EIF2B2: variants seen among roughly 807,000 people sequenced by gnomAD.
EIF2B2 encodes the protein eukaryotic translation initiation factor 2B subunit beta.
A neutral mutation model predicts 34.7 loss-of-function variants in EIF2B2; 34 were observed. The ratio of observed to expected loss-of-function variants is 0.98; its 90% CI spans 0.75 to 1.31. EIF2B2 has a LOEUF of 1.31. Among genes scored for constraint, EIF2B2 ranks in the 50% most tolerant of loss-of-function variants. The pLI, the probability that EIF2B2 is intolerant of heterozygous loss-of-function variation, is 0.00. For synonymous variants in EIF2B2, 155 were observed against 171.6 expected (o/e 0.90, Z 0.76); for missense variants, 361 against 447.7 (o/e 0.81, Z 1.75).
rs770130444 is a variant in EIF2B2, at chr14:75,004,705, T to TAA, written c.434-32_434-31insAA. ...TATATATATATTTTTTTTTTTTTTT[T>TAA]TTTTTTTTTTTTTGCAAAACCGTTC... is the stretch of plus-strand genomic sequence containing the variant. On this transcript the variant is annotated intron_variant, in intron 3 of 7. Coordinates refer to ENST00000266126, the MANE Select transcript of EIF2B2 (RefSeq NM_014239.4). 3,294 of 478,554 alleles carry TAA rather than the reference T, an allele frequency of 6.9e-3. 258 individuals are homozygous for TAA. Among genetic ancestry groups the TAA allele is most frequent in the Non-Finnish European group, 7.1e-3 (2,633 of 368,580 alleles). The allele number at this position is 478,554 out of a possible 1,614,324, so 29.6% of individuals were successfully genotyped here.
Position 75,004,729 on chromosome 14 carries a change from T to C in EIF2B2, c.434-8T>C. On this transcript the variant is annotated splice_polypyrimidine_tract_variant and splice_region_variant and intron_variant, in intron 3 of 7. Transcript: ENST00000266126. ...TTTTTTTTTTTTTTTGCAAAACCGT[T>C]CTTACAGAAGGGACAATGGAGAACA... The C allele has an allele frequency of 1.0e-6, 1 of 998,474 alleles. No individual in the cohort carries two copies. Among genetic ancestry groups the C allele is most frequent in the Non-Finnish European group, 1.4e-6 (1 of 727,072 alleles). 61.9% of individuals were successfully genotyped at this position (998,474 alleles called of 1,614,324 possible).
In EIF2B2 at chr14:75,010,501, G is replaced by C. The variant is rs1889690392; in HGVS notation, c.*1313G>C. ...CAGTGTCTGGATTGAAGGCATTTGG[G>C]CTGGTTCACTGCATTTAATGTGAAT... On this transcript the variant is annotated 3_prime_UTR_variant, in exon 8 of 8. Transcript: ENST00000266126. 6.6e-6 allele frequency: 1 copy of C among 152,196 alleles called. No individual in the cohort carries two copies. Among genetic ancestry groups the C allele is most frequent in the African/African-American group, 2.4e-5 (1 of 41,436 alleles). 9.4% of individuals were successfully genotyped at this position (152,196 alleles called of 1,614,324 possible).
At position 75,005,903 on chromosome 14, in the gene EIF2B2, T is replaced by C. The variant is rs1460360644; in HGVS notation, c.635T>C (p.Ile212Thr). ...GCTGTGAATTTGTCCAAAGCAGGTA[T>C]TGAGACAACTGTCATGACTGATGCT... ...EMAVNLSKAG[I>T]ETTVMTDAAI... The change falls in exon 5 of 8, where the codon ATT (isoleucine) becomes ACT (threonine). Residue 212 changes from isoleucine (I) to threonine (T), a missense_variant. By Grantham distance (89) the Ile-to-Thr change is moderately conservative. Coordinates refer to ENST00000266126, the MANE Select transcript of EIF2B2 (RefSeq NM_014239.4). The C allele has an allele frequency of 6.2e-7, 1 of 1,613,688 alleles. No individual in the cohort carries two copies. Among genetic ancestry groups the C allele is most frequent in the Non-Finnish European group, 8.5e-7 (1 of 1,179,644 alleles).
At chr14:75,005,188 C>T in intron 4 of EIF2B2, 1 of 365,816 alleles carries the variant, frequency 2.7e-6, no homozygotes, top group Non-Finnish European at 5.3e-6. Context: ...AGCAGCCTGG[C>T]CAACATGACA....
chr14:75,003,099 G>A lies in EIF2B2; in HGVS notation c.109G>A (p.Glu37Lys). 6.2e-7 allele frequency: 1 copy of A among 1,613,890 alleles called. No individual in the cohort carries two copies. The highest frequency in any genetic ancestry group is 8.5e-7 in the Non-Finnish European group (1 of 1,179,972). Residue 37 changes from glutamate (E) to lysine (K), a missense_variant, in exon 1 of 8, where the codon GAG becomes AAG. Glu to Lys is a moderately conservative substitution (Grantham distance 56). Coordinates refer to ENST00000266126, the MANE Select transcript of EIF2B2 (RefSeq NM_014239.4). ...GPRSSEEMAR[E>K]TLGLLRQIIT... ...GCGCAGCTCCGAGGAAATGGCTCGG[G>A]AGACCCTAGGGTTGCTGCGCCAGAT...
chr14:75,007,669 C>T, intron 6 of EIF2B2, 53 bp from the exon 7 acceptor site: 1 of 1,415,820 alleles, frequency 7.1e-7, no homozygotes, highest in Non-Finnish European at 1.0e-6. Flanking sequence ...AGGGTACATA[C>T]CTAGGAGTGG....
rs543576497 is a variant in EIF2B2 at position 75,007,379 on chromosome 14, T to C, written c.832-343T>C. The C allele has an allele frequency of 1.7e-5, 6 of 345,860 alleles. No homozygotes were observed. The East Asian group carries it at 4.5e-4, about 26-fold the overall frequency. The allele number at this position is 345,860 out of a possible 1,614,324, so 21.4% of individuals were successfully genotyped here. ...CTCCTCCAATCTGCTCCTGTCTCTA[T>C]GGATTTGCCCATTTTGTATAAAAGG... On this transcript the variant is annotated intron_variant, in intron 6 of 7. Transcript: ENST00000266126.
In EIF2B2 at chr14:75,010,572, T is replaced by G. The variant is rs182127050; in HGVS notation, c.*1384T>G. On this transcript the variant is annotated 3_prime_UTR_variant, in exon 8 of 8. Transcript: ENST00000266126. The stretch of plus-strand genomic sequence containing the variant: ...TCTGGAGATTGCACATTTCAAAAAT[T>G]CAGATTTCTTGCTTTTCTTGAAAAC... 2.3e-4 allele frequency: 35 copies of G among 152,314 alleles called. No individual in the cohort carries two copies. Among genetic ancestry groups the G allele is most frequent in the African/African-American group, 7.9e-4 (33 of 41,568 alleles). 9.4% of individuals were successfully genotyped at this position (152,314 alleles called of 1,614,324 possible).
Position 75,003,702 on chromosome 14 carries a change from A to T in EIF2B2, c.433+3A>T. 1 of 1,614,188 alleles carries T rather than the reference A, an allele frequency of 6.2e-7. No individual in the cohort carries two copies. The highest frequency in any genetic ancestry group is 8.5e-7 in the Non-Finnish European group (1 of 1,180,022). ...TAATGAGCTGCTAGTGGAGCTGGGTAAGAGGCCTGATCGCTGGGAAAATGG... is the reference window on the plus strand; with the variant it reads ...TAATGAGCTGCTAGTGGAGCTGGGTTAGAGGCCTGATCGCTGGGAAAATGG... On this transcript the variant is annotated splice_donor_region_variant and intron_variant, in intron 3 of 7. Coordinates refer to ENST00000266126, the MANE Select transcript of EIF2B2 (RefSeq NM_014239.4).
chr14:75,003,239 G>A, intron 1 of EIF2B2, 36 bp from the exon 2 acceptor site: 1 of 1,613,360 alleles, frequency 6.2e-7, no homozygotes, highest in South Asian at 1.1e-5. Flanking sequence ...CTCACTTCGC[G>A]TTGGCTCCTC....
At position 75,011,247 on chromosome 14, in the gene EIF2B2, A is replaced by G. The variant is rs540420445; in HGVS notation, c.*2059A>G. ...ACGCATAGGGAAACAGTATAGAAGT[A>G]TAATACCAAGCACAGCAAGCAGAGG... On this transcript the variant is annotated 3_prime_UTR_variant, in exon 8 of 8. Coordinates refer to ENST00000266126, the MANE Select transcript of EIF2B2 (RefSeq NM_014239.4). 1.3e-5 allele frequency: 2 copies of G among 152,354 alleles called. No homozygotes were observed. Among genetic ancestry groups the G allele is most frequent in the East Asian group, 3.9e-4 (2 of 5,182 alleles). 9.4% of individuals were successfully genotyped at this position (152,354 alleles called of 1,614,324 possible).
intron 3 of EIF2B2, 91 bp from the exon 4 acceptor site, chr14:75,004,646 T>G: frequency 2.2e-6 from 1 of 449,084 alleles, no homozygotes; most frequent in Non-Finnish European, 3.1e-6. Flanking sequence ...GCGTAATGTG[T>G]GTTTGTGATA....
At chr14:75,004,500 G>C (rs924942161) in intron 3 of EIF2B2, among the ~76,000 whole-genome samples, 5 of 151,422 alleles carry the variant, frequency 3.3e-5, no homozygotes, top group African/African-American at 1.2e-4. Context: ...AAACCAGCCT[G>C]GGCAACATAG....
intron 4 of EIF2B2, 112 bp downstream of exon 4, chr14:75,005,012 C>CTT: frequency 2.8e-6 from 3 of 1,074,924 alleles, no homozygotes. Context: ...CTTTGAGACA[C>CTT]TGAGAAGATC....
At position 75,006,057 on chromosome 14, in the gene EIF2B2, A is replaced by G; in HGVS notation, c.693+96A>G. 1 of 1,023,132 alleles carries G rather than the reference A, an allele frequency of 9.8e-7. No individual in the cohort carries two copies. The highest frequency in any genetic ancestry group is 1.5e-6 in the Non-Finnish European group (1 of 649,616). 63.4% of individuals were successfully genotyped at this position (1,023,132 alleles called of 1,614,324 possible). On this transcript the variant is annotated intron_variant, in intron 5 of 7. Transcript: ENST00000266126. This position sits in a 1 kb window ranked among gnomAD's most constrained non-coding sequence, Gnocchi z 4.1. ...TGTAATATCCACGGTGAGAGAATAA[A>G]GTTTCTAGCACCTTTCAAAGTACAT...
At chr14:75,003,522 T>C in intron 2 of EIF2B2, 29 bp from the exon 3 acceptor site, 1 of 1,614,098 alleles carries the variant, frequency 6.2e-7, no homozygotes, top group Non-Finnish European at 8.5e-7. Context: ...CCTCCCCACC[T>C]CTCTCTTTGG....
rs2139258782 is a variant in EIF2B2 at position 75,010,031 on chromosome 14, A to C, written c.*843A>C. The C allele has an allele frequency of 6.6e-6, 1 of 152,292 alleles. No individual in the cohort carries two copies. The highest frequency in any genetic ancestry group is 2.1e-4 in the South Asian group (1 of 4,822). The allele number at this position is 152,292 out of a possible 1,614,324, so 9.4% of individuals were successfully genotyped here. ...CTAAAAAAATAACAAGTACAAATGA[A>C]AGTATAGTTTCCTTTACAATTCACT... is the stretch of plus-strand genomic sequence containing the variant. On this transcript the variant is annotated 3_prime_UTR_variant, in exon 8 of 8. Coordinates refer to ENST00000266126, the MANE Select transcript of EIF2B2 (RefSeq NM_014239.4).
At chr14:75,005,998 T>A (rs1266432129) in intron 5 of EIF2B2, 37 bp downstream of exon 5, 2 of 1,516,614 alleles carry the variant, frequency 1.3e-6, no homozygotes, top group South Asian at 2.2e-5. Context: ...TTCATGAAGA[T>A]TATGTTTCTA....
rs536693716 is a variant in EIF2B2, at chr14:75,007,706, A to T, written c.832-16A>T. 6.2e-7 allele frequency: 1 copy of T among 1,611,598 alleles called. No homozygotes were observed. The highest frequency in any genetic ancestry group is 1.3e-5 in the African/African-American group (1 of 74,900). ...ATTGCTGGGTCTCTAGTTTTTATAA[A>T]TTTTTTCCTTTTTAGTTCCCCAATG... On this transcript the variant is annotated splice_polypyrimidine_tract_variant and intron_variant, in intron 6 of 7. Transcript: ENST00000266126.
Sources: gnomAD v4.1 joint callset for allele counts (sites outside exome capture counted in the v4.1 genomes callset) on GRCh38, gnomAD v4.1.1 for gene constraint, Gnocchi (gnomAD v3.1) non-coding constraint, MANE v1.5 for transcripts, NCBI Gene and HGNC (gene_info 2026-07-23, HGNC 2026-07-21) for gene names.